Variants in SLC30A7 observed in about 807,000 individuals in gnomAD.
SLC30A7 encodes the protein zinc transporter 7.
A neutral mutation model predicts 46.0 loss-of-function variants in SLC30A7; 35 were observed. The ratio of observed to expected loss-of-function variants is 0.76; its 90% CI spans 0.58 to 1.01. The LOEUF is 1.01. Ranked by LOEUF, SLC30A7 falls within the 50% of genes least tolerant of loss-of-function variation. SLC30A7 has a pLI of 0.00. For missense variants in SLC30A7, 464 were observed against 451.1 expected, an observed-to-expected ratio of 1.03 and a Z score of -0.26; for synonymous variants, 147 against 157.8, an observed-to-expected ratio of 0.93 and a Z score of 0.51.
At chr1:100,931,667 T>C (rs1325079870) in intron 8 of SLC30A7, among the ~76,000 whole-genome samples, 1 of 152,196 alleles carries the variant, frequency 6.6e-6, no homozygotes, top group East Asian at 1.9e-4. Flanking sequence ...GGGAAATCGG[T>C]GATTTTTAAA....
At chr1:100,954,593 C>T (rs1655131295) in intron 8 of SLC30A7, among the ~76,000 whole-genome samples, 1 of 152,006 alleles carries the variant, frequency 6.6e-6, no homozygotes, top group African/African-American at 2.4e-5. Flanking sequence ...GCTCTAAGTT[C>T]TAGGGGTACC....
rs1187997505 is a variant in SLC30A7 at position 100,906,980 on chromosome 1, A to G, written c.296+15A>G. 2 of 1,525,914 alleles carry G rather than the reference A, an allele frequency of 1.3e-6. No individual in the cohort carries two copies. The highest frequency in any genetic ancestry group is 1.8e-6 in the Non-Finnish European group (2 of 1,107,080). 94.5% of individuals were successfully genotyped at this position (1,525,914 alleles called of 1,614,324 possible). A position where few individuals can be genotyped will look rare whatever the true frequency, so the allele number is the denominator to read the frequency against. On this transcript the variant is annotated intron_variant, in intron 3 of 10. Coordinates refer to ENST00000357650, the MANE Select transcript of SLC30A7 (RefSeq NM_133496.5). The stretch of plus-strand genomic sequence containing the variant: ...TTCTCCTATGGGTAAGACTTTAAGA[A>G]AAAAAATCTTTTTATTGAAGTATAA...
chr1:100,992,097 C>CAA, the SLC30A7 span, among the ~76,000 whole-genome samples: 2 of 120,358 alleles, frequency 1.7e-5, no homozygotes. Context: ...GACCCTCTCT[C>CAA]AAAAAAAAAA....
chr1:100,946,097 G>A (rs530287787), intron 8 of SLC30A7, among the ~76,000 whole-genome samples: 112 of 152,214 alleles, frequency 7.4e-4, no homozygotes, highest in African/African-American at 1.3e-3. Context: ...GTCTGTTATC[G>A]GTGTATAGGA....
chr1:100,939,087 T>C (rs552568243), intron 8 of SLC30A7, among the ~76,000 whole-genome samples: 4 of 152,328 alleles, frequency 2.6e-5, no homozygotes, highest in Non-Finnish European at 4.4e-5. Flanking sequence ...CTAAATCCCT[T>C]TCTTAAGGTG....
At chr1:100,897,425 G>A (rs527967040) in intron 2 of SLC30A7, among the ~76,000 whole-genome samples, 2 of 152,158 alleles carry the variant, frequency 1.3e-5, no homozygotes, top group East Asian at 3.9e-4. Flanking sequence ...ACACTCCTAG[G>A]TGTACTAATT....
Position 100,896,130 on chromosome 1 carries a change from G to C in SLC30A7, c.-133G>C. On this transcript the variant is annotated 5_prime_UTR_variant, in exon 1 of 11. Coordinates refer to ENST00000357650, the MANE Select transcript of SLC30A7 (RefSeq NM_133496.5). ...CCCGGGTGTGTGTCTGTGTCTGTCTGTGTCTCGCAGCGGCGCGCGGCCCCG... is the reference window on the plus strand; with the variant it reads ...CCCGGGTGTGTGTCTGTGTCTGTCTCTGTCTCGCAGCGGCGCGCGGCCCCG... 1.3e-6 allele frequency: 1 copy of C among 748,744 alleles called. No individual in the cohort carries two copies. The highest frequency in any genetic ancestry group is 2.1e-5 in the Admixed American group (1 of 48,182). 46.4% of individuals were successfully genotyped at this position (748,744 alleles called of 1,614,324 possible). A position where few individuals can be genotyped will look rare whatever the true frequency, so the allele number is the denominator to read the frequency against.
intron 3 of SLC30A7, among the ~76,000 whole-genome samples, chr1:100,908,300 T>C (rs533198327): frequency 6.6e-6 from 1 of 152,328 alleles, no homozygotes; most frequent in African/African-American, 2.4e-5. Flanking sequence ...TGTTTAGATA[T>C]TTATTGAGGG....
At chr1:100,907,500 G>A (rs1281599655) in intron 3 of SLC30A7, among the ~76,000 whole-genome samples, 3 of 152,112 alleles carry the variant, frequency 2.0e-5, no homozygotes, top group Non-Finnish European at 4.4e-5. Flanking sequence ...CCTCTGATTG[G>A]AGGAAGCAGT....
chr1:100,951,524 A>G (rs1186466733), intron 8 of SLC30A7, among the ~76,000 whole-genome samples: 1 of 152,170 alleles, frequency 6.6e-6, no homozygotes, highest in African/African-American at 2.4e-5. Flanking sequence ...TTTCCACAGC[A>G]TTACTTCCCA....
chr1:100,953,014 G>A (rs1290296472), intron 8 of SLC30A7, among the ~76,000 whole-genome samples: 2 of 152,182 alleles, frequency 1.3e-5, no homozygotes, highest in African/African-American at 2.4e-5. Flanking sequence ...GATCATGGGT[G>A]TAGATTTCCC....
chr1:100,901,593 T>C (rs1355437737), intron 2 of SLC30A7, among the ~76,000 whole-genome samples: 2 of 152,076 alleles, frequency 1.3e-5, no homozygotes, highest in African/African-American at 4.8e-5. Flanking sequence ...TAGCTGGGAG[T>C]ACAGCCACGC....
At chr1:100,935,070 TTG>T (rs1351523252) in intron 8 of SLC30A7, among the ~76,000 whole-genome samples, 2 of 152,234 alleles carry the variant, frequency 1.3e-5, no homozygotes, top group African/African-American at 2.4e-5. Flanking sequence ...TTCAAACTAT[TTG>T]TGTTTAATAT....
At position 100,942,673 on chromosome 1, in the gene SLC30A7, C is replaced by T. The variant is rs114667628; in HGVS notation, c.843-19155C>T. Among the ~76,000 whole-genome samples, 1,028 of 152,286 alleles carry T rather than the reference C, an allele frequency of 6.8e-3. 18 individuals are homozygous for T. Among genetic ancestry groups the T allele is most frequent in the African/African-American group, 0.022 (897 of 41,562 alleles). ...ATTAAAAGTTAAGTTCTTGCTTATACAGGCAGAAAACAAATGTATTAGGGT... is the reference window on the plus strand; with the variant it reads ...ATTAAAAGTTAAGTTCTTGCTTATATAGGCAGAAAACAAATGTATTAGGGT... On this transcript the variant is annotated intron_variant, in intron 8 of 10. Coordinates refer to ENST00000357650, the MANE Select transcript of SLC30A7 (RefSeq NM_133496.5).
intron 8 of SLC30A7, among the ~76,000 whole-genome samples, chr1:100,932,518 A>C (rs1251205465): frequency 1.3e-5 from 2 of 152,244 alleles, no homozygotes; most frequent in East Asian, 3.8e-4. Context: ...GAGTGGTATA[A>C]TATAACTAGA....
intron 3 of SLC30A7, among the ~76,000 whole-genome samples, chr1:100,907,405 G>A (rs918569792): frequency 1.3e-5 from 2 of 152,044 alleles, no homozygotes; most frequent in Non-Finnish European, 2.9e-5. Context: ...TGCCGAGTTG[G>A]ACAATTAATC....
intron 8 of SLC30A7, among the ~76,000 whole-genome samples, chr1:100,923,927 C>A (rs1352790613): frequency 6.6e-6 from 1 of 152,150 alleles, no homozygotes; most frequent in East Asian, 1.9e-4. Context: ...ACTGTTACAA[C>A]TATACCTGTT....
At chr1:100,908,390 C>T (rs887764279) in intron 3 of SLC30A7, among the ~76,000 whole-genome samples, 2 of 152,102 alleles carry the variant, frequency 1.3e-5, no homozygotes, top group Non-Finnish European at 2.9e-5. Flanking sequence ...CCTGCCTTGC[C>T]GGAACTTGTC....
chr1:100,921,953 T>A, intron 8 of SLC30A7, 112 bp downstream of exon 8: 1 of 532,118 alleles, frequency 1.9e-6, no homozygotes, highest in Non-Finnish European at 2.7e-6. Context: ...TTGCTTGCTT[T>A]TTTTTTTTTT....
Sources: allele counts gnomAD v4.1 joint callset (sites outside exome capture counted in the v4.1 genomes callset), GRCh38; gene constraint gnomAD v4.1.1; transcripts MANE v1.5; gene names NCBI Gene and HGNC (gene_info 2026-07-23, HGNC 2026-07-21).